FHIP2A: variants seen among roughly 807,000 people sequenced by gnomAD.
FHIP2A encodes the protein family with sequence similarity 160 member B1.
A neutral mutation model predicts 93.5 loss-of-function variants in FHIP2A; 46 were observed. That is an observed-to-expected ratio of 0.49 (90% CI 0.39 to 0.63). The LOEUF (loss-of-function observed/expected upper bound fraction) is 0.63, where lower values mean the gene tolerates loss of function less well. Ranked by LOEUF, FHIP2A falls within the 20% of genes least tolerant of loss-of-function variation. The pLI is 0.00. For synonymous variants in FHIP2A, 332 were observed against 326.5 expected (o/e 1.02, Z -0.18); for missense variants, 769 against 909.7 (o/e 0.85, Z 1.99).
At chr10:114,880,612 G>A (rs1419248897) in intron 16 of FHIP2A, among the ~76,000 whole-genome samples, 1 of 151,722 alleles carries the variant, frequency 6.6e-6, no homozygotes, top group African/African-American at 2.4e-5. Context: ...CCTGGCAGAT[G>A]GAGGTTGCAG....
rs113964426 is a variant in FHIP2A, at chr10:114,848,709, A to T, written c.1775A>T (p.Asp592Val). Residue 592 changes from aspartate to valine, a missense_variant, in exon 13 of 17, where the codon GAC (aspartate) becomes GTC (valine). Transcript: ENST00000369248. ...TACCATGTTGAGGGCACAGGATATG[A>T]CACTTACCTCCGAGACGCTCATAGG... The part of the protein sequence containing the change: ...SSYHVEGTGY[D>V]TYLRDAHRQF... The T allele has an allele frequency of 6.2e-7, 1 of 1,613,464 alleles. No homozygotes were observed. Among genetic ancestry groups the T allele is most frequent in the South Asian group, 1.1e-5 (1 of 91,054 alleles).
rs544854004 is a variant in FHIP2A at position 114,831,990 on chromosome 10, C to A, written c.124+1060C>A. 6.6e-4 allele frequency among the ~76,000 whole-genome samples: 101 copies of A among 152,254 alleles called. 3 individuals are homozygous for A. In the South Asian group the frequency reaches 0.021, roughly 31 times the overall value. On this transcript the variant is annotated intron_variant, in intron 2 of 16. Coordinates refer to ENST00000369248, the MANE Select transcript of FHIP2A (RefSeq NM_020940.4). Reference sequence around the variant, plus strand: ...TTTTCTGTGTTAGTATACATACAGACAAAGCAGCATATCAGTACATAGCAT... The same window carrying A: ...TTTTCTGTGTTAGTATACATACAGAAAAAGCAGCATATCAGTACATAGCAT...
Position 114,863,893 on chromosome 10 carries a change from AT to A in FHIP2A, c.*2359del. ...CACATTTGTATCAATAAATATGCAC[AT>A]TTTTTAAAACTTTCTAACAATATAG... On this transcript the variant is annotated 3_prime_UTR_variant, in exon 17 of 17. Coordinates refer to ENST00000369248, the MANE Select transcript of FHIP2A (RefSeq NM_020940.4). The A allele has an allele frequency of 9.2e-7, 1 of 1,084,524 alleles. No homozygotes were observed. The highest frequency in any genetic ancestry group is 1.1e-6 in the Non-Finnish European group (1 of 886,780). 67.2% of individuals were successfully genotyped at this position (1,084,524 alleles called of 1,614,324 possible). A position where few individuals can be genotyped will look rare whatever the true frequency, so the allele number is the denominator to read the frequency against.
At chr10:114,858,164 A>G (rs911309953) in intron 14 of FHIP2A, among the ~76,000 whole-genome samples, 11 of 152,230 alleles carry the variant, frequency 7.2e-5, no homozygotes, top group African/African-American at 2.7e-4. Context: ...GTATAAAATA[A>G]AGGGACCTCA....
chr10:114,836,566 A>C (rs1315625350), intron 5 of FHIP2A, among the ~76,000 whole-genome samples: 2 of 152,242 alleles, frequency 1.3e-5, no homozygotes, highest in African/African-American at 4.8e-5. Context: ...TTTTCAGCCA[A>C]GCTTGCCCTA....
At chr10:114,857,035 G>A (rs909518214) in intron 14 of FHIP2A, among the ~76,000 whole-genome samples, 2 of 151,998 alleles carry the variant, frequency 1.3e-5, no homozygotes, top group African/African-American at 4.8e-5. Flanking sequence ...AGGCTGTAGG[G>A]CGCTATGATT....
chr10:114,896,615 T>A (rs2084002683), intron 16 of FHIP2A, among the ~76,000 whole-genome samples: 1 of 152,228 alleles, frequency 6.6e-6, no homozygotes, highest in Non-Finnish European at 1.5e-5. Context: ...GTGTTTCACC[T>A]ATCTGTGACC....
chr10:114,892,843 A>G (rs2083982556), intron 16 of FHIP2A, among the ~76,000 whole-genome samples: 1 of 152,144 alleles, frequency 6.6e-6, no homozygotes, highest in African/African-American at 2.4e-5. Flanking sequence ...ATCCAGGAAA[A>G]TTAGATAAAG....
At chr10:114,837,060 C>G (rs1251599726) in intron 5 of FHIP2A, among the ~76,000 whole-genome samples, 1 of 152,040 alleles carries the variant, frequency 6.6e-6, no homozygotes, top group Non-Finnish European at 1.5e-5. Context: ...CACCACCACA[C>G]CTGGCTAATT....
At position 114,843,064 on chromosome 10, in the gene FHIP2A, A is replaced by G; in HGVS notation, c.654A>G (p.Gly218=). The G allele has an allele frequency of 6.2e-7, 1 of 1,614,138 alleles. No homozygotes were observed. Among genetic ancestry groups the G allele is most frequent in the Non-Finnish European group, 8.5e-7 (1 of 1,179,998 alleles). The stretch of plus-strand genomic sequence containing the variant: ...CAGAGGAACTATCTGGTGCTACTGG[A>G]ATGGAGCAAACAGAATTGGAAGATG... ...RQPEELSGAT[G]MEQTELEDEP... The change falls in exon 6 of 17, where the codon GGA becomes GGG. Residue 218 remains glycine (G), a synonymous_variant. Coordinates refer to ENST00000369248, the MANE Select transcript of FHIP2A (RefSeq NM_020940.4).
intron 16 of FHIP2A, among the ~76,000 whole-genome samples, chr10:114,891,533 A>ATG (rs2083973797): frequency 1.6e-5 from 2 of 122,910 alleles, no homozygotes; most frequent in Non-Finnish European, 3.2e-5. Flanking sequence ...GAATATATAT[A>ATG]TATATGTGTG....
rs763219218 is a variant in FHIP2A, at chr10:114,830,909, C to T, written c.103C>T (p.His35Tyr). 15 of 1,605,420 alleles carry T rather than the reference C, an allele frequency of 9.3e-6. No homozygotes were observed. The South Asian group carries it at 1.3e-4, about 14-fold the overall frequency. Residue 35 changes from histidine (H) to tyrosine (Y), a missense_variant, in exon 2 of 17, where the codon CAT (histidine) becomes TAT (tyrosine). Transcript: ENST00000369248. ...TGTTTATCACTGGAAGGCAATTACC[C>T]ATTACTACATAGAGACTTCAGGTAA... ...DFVYHWKAIT[H>Y]YYIETSDDKA...
chr10:114,845,199 T>C (rs2083693348), intron 7 of FHIP2A, among the ~76,000 whole-genome samples, 168 bp from the exon 8 acceptor site: 2 of 152,354 alleles, frequency 1.3e-5, no homozygotes, highest in African/African-American at 2.4e-5. Flanking sequence ...TTTTCTCTTA[T>C]CTTTGGTTTC....
intron 1 of FHIP2A, 91 bp from the exon 2 acceptor site, chr10:114,830,761 C>T: frequency 7.0e-6 from 5 of 716,888 alleles, no homozygotes; most frequent in East Asian, 2.9e-5. Flanking sequence ...TTTATGCTAC[C>T]TTTGCATTGT....
In FHIP2A at chr10:114,821,836, C is replaced by T. The variant is rs1258963550; in HGVS notation, c.-243C>T. 2.1e-5 allele frequency: 5 copies of T among 236,216 alleles called. No individual in the cohort carries two copies. Among genetic ancestry groups the T allele is most frequent in the Non-Finnish European group, 3.3e-5 (4 of 122,868 alleles). 14.6% of individuals were successfully genotyped at this position (236,216 alleles called of 1,614,324 possible). On this transcript the variant is annotated 5_prime_UTR_variant, in exon 1 of 17. Transcript: ENST00000369248. ...CCGCCGCCGGAGCTTCTCCGGGCCCCGAGTCCTCGCCGAACGCCCTCCTCG... is the reference window on the plus strand; with the variant it reads ...CCGCCGCCGGAGCTTCTCCGGGCCCTGAGTCCTCGCCGAACGCCCTCCTCG...
In FHIP2A at chr10:114,830,925, C is replaced by A; in HGVS notation, c.119C>A (p.Thr40Asn). 4 of 1,583,654 alleles carry A rather than the reference C, an allele frequency of 2.5e-6. No individual in the cohort carries two copies. The highest frequency in any genetic ancestry group is 3.4e-6 in the Non-Finnish European group (4 of 1,161,884). Reference protein sequence around the residue: ...WKAITHYYIETSDDKAPVTDT... With the variant: ...WKAITHYYIENSDDKAPVTDT... Reference sequence around the variant, plus strand: ...GCAATTACCCATTACTACATAGAGACTTCAGGTAAGGAACAATGCTGATAT... The same window carrying A: ...GCAATTACCCATTACTACATAGAGAATTCAGGTAAGGAACAATGCTGATAT... The change falls in exon 2 of 17, where the codon ACT becomes AAT. Residue 40 changes from threonine to asparagine, a missense_variant. Transcript: ENST00000369248.
intron 5 of FHIP2A, among the ~76,000 whole-genome samples, chr10:114,840,062 A>G (rs1325874975): frequency 1.3e-5 from 2 of 152,022 alleles, no homozygotes; most frequent in Non-Finnish European, 2.9e-5. Context: ...CATCAGCTCT[A>G]GGTCATCAAG....
intron 16 of FHIP2A, among the ~76,000 whole-genome samples, chr10:114,879,067 A>G (rs2083904158): frequency 6.6e-6 from 1 of 152,224 alleles, no homozygotes. Context: ...ACTCTTCAGA[A>G]TCATTCTATA....
In FHIP2A at chr10:114,855,272, G is replaced by C. The variant is rs1312928233; in HGVS notation, c.1879G>C (p.Glu627Gln). The C allele has an allele frequency of 6.2e-7, 1 of 1,614,054 alleles. No individual in the cohort carries two copies. The highest frequency in any genetic ancestry group is 8.5e-7 in the Non-Finnish European group (1 of 1,179,942). ...SPKALEKCNL[E>Q]AAFFEGHFLK... ...AAAAGCATTGGAAAAGTGCAATTTA[G>C]AAGCTGCTTTCTTTGAAGGTCATTT... The change falls in exon 14 of 17, where the codon GAA becomes CAA. Residue 627 changes from glutamate (E) to glutamine (Q), a missense_variant. Physicochemically the swap from Glu to Gln is conservative, Grantham distance 29 (BLOSUM62 2). Transcript: ENST00000369248.
Sources: gnomAD v4.1 joint callset for allele counts (sites outside exome capture counted in the v4.1 genomes callset) on GRCh38, gnomAD v4.1.1 for gene constraint, MANE v1.5 for transcripts, NCBI Gene and HGNC (gene_info 2026-07-23, HGNC 2026-07-21) for gene names.